The following SLC30A9 variants were observed in gnomAD, a reference collection of about 807,000 sequenced individuals.
SLC30A9 encodes the protein proton-coupled zinc antiporter SLC30A9, mitochondrial.
Under a neutral mutation model 87.5 loss-of-function variants are expected in SLC30A9, and 58 were observed. That is an observed-to-expected ratio of 0.66 (90% confidence interval 0.54 to 0.82). The LOEUF (loss-of-function observed/expected upper bound fraction) is 0.82. Ranked by LOEUF, SLC30A9 falls within the 40% of genes least tolerant of loss-of-function variation. SLC30A9 has a pLI of 0.00. For missense variants in SLC30A9, 557 were observed against 679.1 expected, an observed-to-expected ratio of 0.82 and a Z score of 2.00; for synonymous variants, 234 against 233.0, an observed-to-expected ratio of 1.00 and a Z score of -0.04.
At chr4:42,012,743 G>A (rs1715504181) in intron 2 of SLC30A9, among the ~76,000 whole-genome samples, 1 of 151,858 alleles carries the variant, frequency 6.6e-6, no homozygotes, top group Non-Finnish European at 1.5e-5. Flanking sequence ...AAAGATGAGA[G>A]TCATTTTACT....
chr4:42,039,535 T>C (rs917531657), intron 8 of SLC30A9, among the ~76,000 whole-genome samples: 1 of 151,376 alleles, frequency 6.6e-6, no homozygotes, highest in Admixed American at 6.6e-5. Flanking sequence ...CAATCTCAGC[T>C]CACTGCAATC....
chr4:42,088,892 A>G lies in SLC30A9; in HGVS notation c.*2766A>G, dbSNP rs1278630601. ...CCAGAGGTCGAGGCTGCAATGAGCT[A>G]TGATCATGCCACTCCAGCCTGAATG... On this transcript the variant is annotated 3_prime_UTR_variant, in exon 18 of 18. Coordinates refer to ENST00000264451, the MANE Select transcript of SLC30A9 (RefSeq NM_006345.4). 6.6e-6 allele frequency: 1 copy of G among 152,238 alleles called. No individual in the cohort carries two copies. The highest frequency in any genetic ancestry group is 2.4e-5 in the African/African-American group (1 of 41,456). The allele number at this position is 152,238 out of a possible 1,614,324, so 9.4% of individuals were successfully genotyped here. A position where few individuals can be genotyped will look rare whatever the true frequency, so the allele number is the denominator to read the frequency against.
intron 1 of SLC30A9, among the ~76,000 whole-genome samples, chr4:41,993,018 G>A (rs1369761863): frequency 6.6e-6 from 1 of 151,744 alleles, no homozygotes; most frequent in Non-Finnish European, 1.5e-5. Context: ...TAAAAATGAG[G>A]AATGCCTTTA....
intron 8 of SLC30A9, among the ~76,000 whole-genome samples, chr4:42,046,456 A>C (rs917502550): frequency 7.9e-5 from 12 of 152,096 alleles, no homozygotes; most frequent in Admixed American, 6.6e-4. Flanking sequence ...CAAACAGCCA[A>C]ATCATGAGTG....
chr4:42,054,814 G>A (rs1286064739), intron 9 of SLC30A9, among the ~76,000 whole-genome samples: 1 of 151,696 alleles, frequency 6.6e-6, no homozygotes, highest in Non-Finnish European at 1.5e-5. Flanking sequence ...AATTAGTATC[G>A]ATTTTTAAAA....
chr4:42,039,173 A>G (rs556233848), intron 8 of SLC30A9, 120 bp downstream of exon 8: 1 of 742,142 alleles, frequency 1.3e-6, no homozygotes, highest in African/African-American at 1.8e-5. Context: ...ATTTTGTTTT[A>G]GGAGGAAATT....
Position 42,003,922 on chromosome 4 carries a change from C to T in SLC30A9, c.274+2142C>T, listed in dbSNP as rs199651439. Among the ~76,000 whole-genome samples, 28 of 152,290 alleles carry T rather than the reference C, an allele frequency of 1.8e-4. No individual in the cohort carries two copies. In the East Asian group the frequency reaches 4.2e-3, roughly 23 times the overall value. On this transcript the variant is annotated intron_variant, in intron 2 of 17. Transcript: ENST00000264451. ...AGCTTTAGAGTGCTTTAATTCTGATCACCGCCTCCAACTTATGTGCTATTT... is the reference window on the plus strand; with the variant it reads ...AGCTTTAGAGTGCTTTAATTCTGATTACCGCCTCCAACTTATGTGCTATTT...
intron 1 of SLC30A9, among the ~76,000 whole-genome samples, chr4:41,993,666 G>A (rs1253358536): frequency 6.6e-6 from 1 of 152,058 alleles, no homozygotes; most frequent in African/African-American, 2.4e-5. Flanking sequence ...AACATAAACG[G>A]TTTATGCCCT....
At chr4:42,015,552 A>G (rs1433747745) in intron 2 of SLC30A9, among the ~76,000 whole-genome samples, 1 of 152,212 alleles carries the variant, frequency 6.6e-6, no homozygotes, top group Non-Finnish European at 1.5e-5. Flanking sequence ...CCATGTTTTC[A>G]GAGACTTATA....
chr4:42,090,445 T>A lies in SLC30A9; in HGVS notation c.*4319T>A, dbSNP rs921995236. ...TTTTTCCCTTAATAAATGTCATATG[T>A]AAATAAAGGCAACTCATTTATTAGT... On this transcript the variant is annotated 3_prime_UTR_variant, in exon 18 of 18. Transcript: ENST00000264451. 2 of 152,244 alleles carry A rather than the reference T, an allele frequency of 1.3e-5. No individual in the cohort carries two copies. The highest frequency in any genetic ancestry group is 4.8e-5 in the African/African-American group (2 of 41,464). 9.4% of individuals were successfully genotyped at this position (152,244 alleles called of 1,614,324 possible).
intron 1 of SLC30A9, among the ~76,000 whole-genome samples, chr4:41,999,701 C>T (rs1714894879): frequency 1.3e-5 from 2 of 151,922 alleles, no homozygotes; most frequent in South Asian, 4.1e-4. Flanking sequence ...AAAAGACATT[C>T]TGTAGCTTAA....
At chr4:42,051,740 C>T (rs1359947897) in intron 9 of SLC30A9, among the ~76,000 whole-genome samples, 1 of 151,978 alleles carries the variant, frequency 6.6e-6, no homozygotes, top group East Asian at 1.9e-4. Flanking sequence ...TGGAGGAAGC[C>T]TTGGTAACCT....
intron 6 of SLC30A9, among the ~76,000 whole-genome samples, chr4:42,026,721 T>A (rs1716207853): frequency 1.2e-5 from 1 of 81,252 alleles, no homozygotes; most frequent in Non-Finnish European, 3.6e-5. Flanking sequence ...TCCTTTTTTT[T>A]TTTCTTTTCA....
chr4:42,037,322 G>A (rs997783516), intron 7 of SLC30A9, among the ~76,000 whole-genome samples: 18 of 122,524 alleles, frequency 1.5e-4, no homozygotes, highest in African/African-American at 5.0e-4. Flanking sequence ...CTTATCTCAT[G>A]AGAACTCCAA....
intron 8 of SLC30A9, among the ~76,000 whole-genome samples, chr4:42,043,028 T>C (rs1291795170): frequency 6.6e-6 from 1 of 152,020 alleles, no homozygotes. Context: ...AGGAATAGCA[T>C]CAACATCAAC....
At chr4:42,076,702 G>T (rs1256636248) in intron 16 of SLC30A9, among the ~76,000 whole-genome samples, 1 of 152,004 alleles carries the variant, frequency 6.6e-6, no homozygotes, top group Non-Finnish European at 1.5e-5. Flanking sequence ...GGTGGCTCAC[G>T]TCTGTAATCC....
At chr4:42,013,751 G>T (rs1204107375) in intron 2 of SLC30A9, among the ~76,000 whole-genome samples, 1 of 152,154 alleles carries the variant, frequency 6.6e-6, no homozygotes, top group African/African-American at 2.4e-5. Flanking sequence ...AATCAAAATG[G>T]AGTAAAGACT....
At chr4:42,076,604 A>C (rs922562836) in intron 16 of SLC30A9, among the ~76,000 whole-genome samples, 7 of 152,198 alleles carry the variant, frequency 4.6e-5, no homozygotes, top group Non-Finnish European at 7.4e-5. Context: ...AGAGCATTTC[A>C]TCCTATGAAT....
chr4:42,012,943 A>G (rs1179790105), intron 2 of SLC30A9, among the ~76,000 whole-genome samples: 2 of 152,154 alleles, frequency 1.3e-5, no homozygotes. Context: ...CTTTTTTTTA[A>G]TATTAAATGC....
Sources: gnomAD v4.1 joint callset for allele counts (sites outside exome capture counted in the v4.1 genomes callset) on GRCh38, gnomAD v4.1.1 for gene constraint, MANE v1.5 for transcripts, NCBI Gene and HGNC (gene_info 2026-07-23, HGNC 2026-07-21) for gene names.